RALGAPA2: variants seen among roughly 807,000 people sequenced by gnomAD.
RALGAPA2 encodes ral GTPase-activating protein subunit alpha-2.
RALGAPA2 carries 139 observed loss-of-function variants against 230.4 expected under a neutral mutation model. The ratio of observed to expected loss-of-function variants is 0.60; its 90% CI spans 0.53 to 0.69. The LOEUF (loss-of-function observed/expected upper bound fraction) is 0.69, where lower values mean the gene tolerates loss of function less well. RALGAPA2 is among the 30% of genes least tolerant of loss of function. RALGAPA2 has a pLI of 0.00. For synonymous variants in RALGAPA2, 847 were observed against 837.8 expected (o/e 1.01, Z -0.19); for missense variants, 2,163 against 2,276.0 (o/e 0.95, Z 1.01).
chr20:20,529,203 C>T (rs375442501), intron 27 of RALGAPA2, among the ~76,000 whole-genome samples: 5 of 152,178 alleles, frequency 3.3e-5, no homozygotes, highest in East Asian at 1.9e-4. Context: ...GCATCCTGAT[C>T]CCTCTGCTTT....
At chr20:20,515,051 A>C (rs1293104269) in intron 31 of RALGAPA2, among the ~76,000 whole-genome samples, 1 of 152,206 alleles carries the variant, frequency 6.6e-6, no homozygotes, top group Non-Finnish European at 1.5e-5. Context: ...AGTCTGGCTC[A>C]ACCCATTTTG....
At chr20:20,495,072 G>A (rs2062165647) in intron 36 of RALGAPA2, 45 bp downstream of exon 36, 2 of 1,457,318 alleles carry the variant, frequency 1.4e-6, no homozygotes, top group Admixed American at 1.9e-5. Context: ...TGAATCACAT[G>A]GCAAATGCTT....
chr20:20,572,774 G>T, intron 21 of RALGAPA2, 101 bp downstream of exon 21: 3 of 1,005,562 alleles, frequency 3.0e-6, no homozygotes, highest in Non-Finnish European at 4.1e-6. Context: ...TACCATTTGT[G>T]TTTCGGAATA....
chr20:20,706,744 A>G (rs1442435565), intron 1 of RALGAPA2, among the ~76,000 whole-genome samples: 4 of 152,130 alleles, frequency 2.6e-5, no homozygotes, highest in African/African-American at 7.2e-5. Flanking sequence ...AGATAAATAC[A>G]TTTTCTGATA....
intron 38 of RALGAPA2, among the ~76,000 whole-genome samples, chr20:20,410,915 G>C (rs2060046915): frequency 1.3e-5 from 2 of 152,110 alleles, no homozygotes; most frequent in Admixed American, 1.3e-4. Flanking sequence ...GCTGCTCCTG[G>C]CTCCCTGCGC....
At chr20:20,435,958 A>G (rs2060602979) in intron 37 of RALGAPA2, among the ~76,000 whole-genome samples, 1 of 152,226 alleles carries the variant, frequency 6.6e-6, no homozygotes, top group Non-Finnish European at 1.5e-5. Context: ...ACAATCCCAT[A>G]AATACTGTAG....
chr20:20,573,077 A>G lies in RALGAPA2; in HGVS notation c.2708-9T>C. On this transcript the variant is annotated splice_polypyrimidine_tract_variant and intron_variant, in intron 20 of 39. Transcript: ENST00000202677. ...GAGGCACTCGCTGCTATCTATGCAG[A>G]AAAACATGTCTGTTAACCCTGTAAA... 1 of 1,593,328 alleles carries G rather than the reference A, an allele frequency of 6.3e-7. No individual in the cohort carries two copies. The highest frequency in any genetic ancestry group is 8.6e-7 in the Non-Finnish European group (1 of 1,168,486).
rs150032922 is a variant in RALGAPA2, at chr20:20,639,697, T to C, written c.666+88A>G. 1.1e-4 allele frequency: 101 copies of C among 924,744 alleles called. 1 individual carries two copies. The African/African-American group carries it at 1.3e-3, about 12-fold the overall frequency. 57.3% of individuals were successfully genotyped at this position (924,744 alleles called of 1,614,324 possible). ...CTCAAAGAAAAAGAAAGAGGAAAAA[T>C]ATAGATACACAGAGGGAAAAGAGGC... On this transcript the variant is annotated intron_variant, in intron 7 of 39. Coordinates refer to ENST00000202677, the MANE Select transcript of RALGAPA2 (RefSeq NM_020343.4).
chr20:20,669,090 G>A (rs1262621488), intron 3 of RALGAPA2, among the ~76,000 whole-genome samples: 1 of 152,172 alleles, frequency 6.6e-6, no homozygotes, highest in Non-Finnish European at 1.5e-5. Flanking sequence ...TGTGATATTT[G>A]AAGAACATCC....
At chr20:20,452,515 T>C (rs946303331) in intron 37 of RALGAPA2, among the ~76,000 whole-genome samples, 5 of 152,186 alleles carry the variant, frequency 3.3e-5, no homozygotes, top group African/African-American at 1.2e-4. Flanking sequence ...AAGGGCTGTC[T>C]CCTCCCGGCG....
chr20:20,439,344 C>G (rs2060684944), intron 37 of RALGAPA2, among the ~76,000 whole-genome samples: 1 of 151,992 alleles, frequency 6.6e-6, no homozygotes, highest in Admixed American at 6.6e-5. Context: ...TCCCAAGTAG[C>G]TGGGACTACA....
At chr20:20,452,616 C>T (rs763892582) in intron 37 of RALGAPA2, among the ~76,000 whole-genome samples, 208 of 152,302 alleles carry the variant, frequency 1.4e-3, no homozygotes, top group Middle Eastern at 0.014. Context: ...AACGGCCCAG[C>T]GAGGAGCGTG....
intron 37 of RALGAPA2, among the ~76,000 whole-genome samples, chr20:20,467,669 T>C (rs1221650326): frequency 6.6e-6 from 1 of 152,194 alleles, no homozygotes; most frequent in Admixed American, 6.5e-5. Context: ...GGAGATGTGA[T>C]AGAGAAGACG....
chr20:20,659,318 C>A (rs2067692451), intron 3 of RALGAPA2, among the ~76,000 whole-genome samples: 1 of 152,216 alleles, frequency 6.6e-6, no homozygotes, highest in Admixed American at 6.5e-5. Context: ...CCTGGACACT[C>A]ATCTCTTACT....
chr20:20,658,293 T>G (rs1017205612), intron 3 of RALGAPA2, among the ~76,000 whole-genome samples: 5 of 152,218 alleles, frequency 3.3e-5, no homozygotes, highest in African/African-American at 1.2e-4. Flanking sequence ...CAAGAGCCAT[T>G]GTTTAAAGTC....
intron 36 of RALGAPA2, among the ~76,000 whole-genome samples, chr20:20,493,616 C>T (rs764005598): frequency 6.6e-6 from 1 of 151,920 alleles, no homozygotes; most frequent in Non-Finnish European, 1.5e-5. Flanking sequence ...TTTTAGAAGC[C>T]CATGTTGAAA....
At chr20:20,441,102 C>T (rs895825544) in intron 37 of RALGAPA2, among the ~76,000 whole-genome samples, 6 of 152,202 alleles carry the variant, frequency 3.9e-5, no homozygotes, top group Admixed American at 3.9e-4. Context: ...TGCACCAACA[C>T]TTGCAAATAA....
intron 23 of RALGAPA2, among the ~76,000 whole-genome samples, chr20:20,550,947 G>A (rs762024131): frequency 1.3e-5 from 2 of 152,186 alleles, no homozygotes; most frequent in African/African-American, 2.4e-5. Context: ...CTGATCTACA[G>A]AAAGAATAGT....
Position 20,465,285 on chromosome 20 carries a change from CAG to C in RALGAPA2, c.5495+7542_5495+7543del, listed in dbSNP as rs1290489134. 2.6e-5 allele frequency among the ~76,000 whole-genome samples: 4 copies of C among 151,796 alleles called. No homozygotes were observed. The East Asian group carries it at 7.8e-4, about 29-fold the overall frequency. ...TGTGGCAAGAGTGCCACATCTGAGA[CAG>C]AGGATAGAGGAGGTTCAGGCTGGCA... On this transcript the variant is annotated intron_variant, in intron 37 of 39. Coordinates refer to ENST00000202677, the MANE Select transcript of RALGAPA2 (RefSeq NM_020343.4).
Sources: allele counts gnomAD v4.1 joint callset (sites outside exome capture counted in the v4.1 genomes callset), GRCh38; gene constraint gnomAD v4.1.1; transcripts MANE v1.5; gene names NCBI Gene and HGNC (gene_info 2026-07-23, HGNC 2026-07-21).